PI15: variants seen among roughly 807,000 people sequenced by gnomAD.
PI15 encodes peptidase inhibitor 15.
Under a neutral mutation model 31.0 loss-of-function variants are expected in PI15, and 18 were observed. The ratio of observed to expected loss-of-function variants is 0.58; its 90% CI spans 0.40 to 0.86. The LOEUF is 0.86. PI15 is among the 40% of genes least tolerant of loss of function. The pLI is 0.00. For missense variants in PI15, 282 were observed against 328.1 expected, an observed-to-expected ratio of 0.86 and a Z score of 1.09; for synonymous variants, 118 against 119.1, an observed-to-expected ratio of 0.99 and a Z score of 0.06.
intron 2 of PI15, among the ~76,000 whole-genome samples, chr8:74,840,461 A>G (rs1450714674): frequency 6.6e-6 from 1 of 152,204 alleles, no homozygotes; most frequent in Non-Finnish European, 1.5e-5. Context: ...AAATTGAAAT[A>G]AGTGGAGACT....
intron 2 of PI15, among the ~76,000 whole-genome samples, chr8:74,825,825 G>C (rs1411971397): frequency 1.3e-5 from 2 of 151,960 alleles, no homozygotes; most frequent in Non-Finnish European, 2.9e-5. Flanking sequence ...GATAAAAAGT[G>C]GGGTATGTTG....
chr8:74,835,668 C>T (rs1277890152), intron 2 of PI15, among the ~76,000 whole-genome samples: 1 of 152,168 alleles, frequency 6.6e-6, no homozygotes, highest in East Asian at 1.9e-4. Context: ...ATATCCACAA[C>T]AGGGAATGAA....
Position 74,854,578 on chromosome 8 carries a change from A to C in PI15, c.*5325A>C, listed in dbSNP as rs1811154061. 1.3e-5 allele frequency: 2 copies of C among 151,914 alleles called. No homozygotes were observed. Among genetic ancestry groups the C allele is most frequent in the Non-Finnish European group, 2.9e-5 (2 of 67,912 alleles). The allele number at this position is 151,914 out of a possible 1,614,324, so 9.4% of individuals were successfully genotyped here. A position where few individuals can be genotyped will look rare whatever the true frequency, so the allele number is the denominator to read the frequency against. On this transcript the variant is annotated 3_prime_UTR_variant, in exon 6 of 6. Transcript: ENST00000260113. ...CTAAATTATTTCAATGGTTGTTTGA[A>C]ATATTCAGTTCAGTTTGTACCTGTT...
In PI15 at chr8:74,843,963, G is replaced by A. The variant is rs1416499366; in HGVS notation, c.274-18G>A. On this transcript the variant is annotated intron_variant, in intron 2 of 5. Transcript: ENST00000260113. ...TATCAGCAAATTCCGTAACGCTGAA[G>A]ATTTTTTTCCCCTACAGGTTTGGGA... The A allele has an allele frequency of 1.6e-6, 2 of 1,238,242 alleles. No homozygotes were observed. Among genetic ancestry groups the A allele is most frequent in the East Asian group, 4.6e-5 (2 of 43,244 alleles). 76.7% of individuals were successfully genotyped at this position (1,238,242 alleles called of 1,614,324 possible).
chr8:74,842,369 A>C lies in PI15; in HGVS notation c.274-1612A>C, dbSNP rs933965311. Among the ~76,000 whole-genome samples, 13 of 152,174 alleles carry C rather than the reference A, an allele frequency of 8.5e-5. 1 individual carries two copies. Among genetic ancestry groups the C allele is most frequent in the African/African-American group, 2.4e-4 (10 of 41,464 alleles). On this transcript the variant is annotated intron_variant, in intron 2 of 5. Transcript: ENST00000260113. The stretch of plus-strand genomic sequence containing the variant: ...TAAAATATGCTGCTAACCACTCTCT[A>C]GTCACAATGTGAACGCTATTTTTCC...
Position 74,843,979 on chromosome 8 carries a change from A to C in PI15, c.274-2A>C. The C allele has an allele frequency of 6.8e-7, 1 of 1,468,220 alleles. No homozygotes were observed. The highest frequency in any genetic ancestry group is 9.6e-7 in the Non-Finnish European group (1 of 1,046,830). 90.9% of individuals were successfully genotyped at this position (1,468,220 alleles called of 1,614,324 possible). On this transcript the variant is annotated splice_acceptor_variant, in intron 2 of 5. Coordinates refer to ENST00000260113, the MANE Select transcript of PI15 (RefSeq NM_015886.5). LOFTEE classifies it high-confidence loss of function. ...AACGCTGAAGATTTTTTTCCCCTACAGGTTTGGGATGAAAATCTTGCAAAA... is the reference window on the plus strand; with the variant it reads ...AACGCTGAAGATTTTTTTCCCCTACCGGTTTGGGATGAAAATCTTGCAAAA...
intron 5 of PI15, among the ~76,000 whole-genome samples, chr8:74,848,271 A>G (rs1394481409): frequency 6.6e-6 from 1 of 152,166 alleles, no homozygotes; most frequent in Non-Finnish European, 1.5e-5. Context: ...CCTGAGAGAC[A>G]TTACTCTCTT....
chr8:74,843,416 T>C (rs1810972823), intron 2 of PI15, among the ~76,000 whole-genome samples: 1 of 152,216 alleles, frequency 6.6e-6, no homozygotes, highest in South Asian at 2.1e-4. Context: ...TATAGCAGTC[T>C]CAGGAACCAG....
intron 5 of PI15, 64 bp downstream of exon 5, chr8:74,845,561 T>C (rs1811014778): frequency 1.0e-6 from 1 of 991,216 alleles, no homozygotes; most frequent in Non-Finnish European, 1.6e-6. Context: ...CCTAGGCTGA[T>C]AGTTATCTGT....
At chr8:74,834,207 T>G (rs976885694) in intron 2 of PI15, among the ~76,000 whole-genome samples, 4 of 152,198 alleles carry the variant, frequency 2.6e-5, no homozygotes. Context: ...CTGTTCCTCT[T>G]CCTGCGTTCA....
At chr8:74,845,061 G>A in intron 3 of PI15, 67 bp from the exon 4 acceptor site, 2 of 1,300,688 alleles carry the variant, frequency 1.5e-6, no homozygotes, top group East Asian at 2.3e-5. Flanking sequence ...TCAATTTACA[G>A]TGTAACATGA....
At position 74,854,946 on chromosome 8, in the gene PI15, A is replaced by C. The variant is rs1251166048; in HGVS notation, c.*5693A>C. 1.3e-5 allele frequency: 2 copies of C among 152,008 alleles called. No homozygotes were observed. The highest frequency in any genetic ancestry group is 4.8e-5 in the African/African-American group (2 of 41,366). 9.4% of individuals were successfully genotyped at this position (152,008 alleles called of 1,614,324 possible). ...GTGTACATATATAAAACCTGTGTAAACCTCTGTCCTTATGAACCATAACAA... is the reference window on the plus strand; with the variant it reads ...GTGTACATATATAAAACCTGTGTAACCCTCTGTCCTTATGAACCATAACAA... On this transcript the variant is annotated 3_prime_UTR_variant, in exon 6 of 6. Transcript: ENST00000260113.
At chr8:74,837,975 A>C (rs1410012799) in intron 2 of PI15, among the ~76,000 whole-genome samples, 1 of 152,098 alleles carries the variant, frequency 6.6e-6, no homozygotes, top group Admixed American at 6.6e-5. Context: ...TTTTAACTTT[A>C]TGAATTTTTG....
intron 2 of PI15, among the ~76,000 whole-genome samples, chr8:74,834,592 TAAG>T (rs919725424): frequency 1.3e-5 from 2 of 152,074 alleles, no homozygotes; most frequent in African/African-American, 4.8e-5. Flanking sequence ...CTGGAAAAGG[TAAG>T]AAGTTTATCA....
In PI15 at chr8:74,853,438, C is replaced by T. The variant is rs978194494; in HGVS notation, c.*4185C>T. On this transcript the variant is annotated 3_prime_UTR_variant, in exon 6 of 6. Transcript: ENST00000260113. ...AACTCTGTTGTTTTAATTCAACAGT[C>T]CAACATTATTTAGGTGTTACAGAGT... 4 of 152,514 alleles carry T rather than the reference C, an allele frequency of 2.6e-5. No homozygotes were observed. Among genetic ancestry groups the T allele is most frequent in the African/African-American group, 9.7e-5 (4 of 41,448 alleles). The allele number at this position is 152,514 out of a possible 1,614,324, so 9.4% of individuals were successfully genotyped here.
Position 74,851,535 on chromosome 8 carries a change from T to C in PI15, c.*2282T>C, listed in dbSNP as rs1183189036. On this transcript the variant is annotated 3_prime_UTR_variant, in exon 6 of 6. Transcript: ENST00000260113. ...AATATTAAAATTATCATTAATAATA[T>C]AAAACACTTATTTGAGATTAAATTA... The C allele has an allele frequency of 1.3e-5, 2 of 152,044 alleles. No individual in the cohort carries two copies. Among genetic ancestry groups the C allele is most frequent in the Non-Finnish European group, 2.9e-5 (2 of 67,930 alleles). The allele number at this position is 152,044 out of a possible 1,614,324, so 9.4% of individuals were successfully genotyped here. A position where few individuals can be genotyped will look rare whatever the true frequency, so the allele number is the denominator to read the frequency against.
Position 74,852,844 on chromosome 8 carries a change from G to T in PI15, c.*3591G>T, listed in dbSNP as rs1435397886. ...AAAATAATGCTTAGACTTTGGTGTA[G>T]GTTCTTCCTGTGTAGCCATATACCC... On this transcript the variant is annotated 3_prime_UTR_variant, in exon 6 of 6. Transcript: ENST00000260113. 4 of 152,030 alleles carry T rather than the reference G, an allele frequency of 2.6e-5. No individual in the cohort carries two copies. Among genetic ancestry groups the T allele is most frequent in the African/African-American group, 9.7e-5 (4 of 41,416 alleles). The allele number at this position is 152,030 out of a possible 1,614,324, so 9.4% of individuals were successfully genotyped here. A position where few individuals can be genotyped will look rare whatever the true frequency, so the allele number is the denominator to read the frequency against.
chr8:74,848,868 G>A (rs1038484763), intron 5 of PI15, among the ~76,000 whole-genome samples: 1 of 151,050 alleles, frequency 6.6e-6, no homozygotes, highest in African/African-American at 2.4e-5. Context: ...CCAGCAGCTG[G>A]GACTAGAGGC....
intron 2 of PI15, among the ~76,000 whole-genome samples, chr8:74,840,168 G>T (rs1307675490): frequency 6.6e-6 from 1 of 151,732 alleles, no homozygotes; most frequent in African/African-American, 2.4e-5. Flanking sequence ...CATATAATTT[G>T]TAAAGATCAA....
Sources: allele counts gnomAD v4.1 joint callset (sites outside exome capture counted in the v4.1 genomes callset), GRCh38; gene constraint gnomAD v4.1.1; transcripts MANE v1.5; gene names NCBI Gene and HGNC (gene_info 2026-07-23, HGNC 2026-07-21).